Variants in ZAN observed in about 807,000 individuals in gnomAD.
The protein encoded by ZAN is zonadhesin (gene/pseudogene).
A neutral mutation model predicts 286.2 loss-of-function variants in ZAN; 260 were observed. The observed-to-expected ratio is 0.91, with a 90% CI of 0.82 to 1.01. The LOEUF (loss-of-function observed/expected upper bound fraction) is 1.01. ZAN is among the 50% of genes least tolerant of loss of function. The pLI is 0.00. For missense variants in ZAN, 3,410 were observed against 3,639.2 expected, an observed-to-expected ratio of 0.94 and a Z score of 1.62; for synonymous variants, 1,368 against 1,417.5, an observed-to-expected ratio of 0.97 and a Z score of 0.79.
chr7:100,750,694 G>A lies in ZAN; in HGVS notation c.1319G>A (p.Arg440Gln), dbSNP rs368207969. 122 of 1,613,088 alleles carry A rather than the reference G, an allele frequency of 7.6e-5. No individual in the cohort carries two copies. Among genetic ancestry groups the A allele is most frequent in the Non-Finnish European group, 9.6e-5 (113 of 1,179,634 alleles). Residue 440 changes from arginine to glutamine, a missense_variant, in exon 12 of 48, where the codon CGG (arginine) becomes CAG (glutamine). Coordinates refer to ENST00000613979, the MANE Select transcript of ZAN (RefSeq NM_003386.3). ...QAGQSVRLVSRPFCAPGDICV... is the reference protein window; with the variant it reads ...QAGQSVRLVSQPFCAPGDICV... The stretch of plus-strand genomic sequence containing the variant: ...GGCCAGTCAGTCAGACTGGTGAGCC[G>A]GCCCTTCTGCGCCCCAGGTGACATC...
rs1811998243 is a variant in ZAN at position 100,791,994 on chromosome 7, G to A, written c.7558G>A (p.Gly2520Arg). 1 of 1,613,182 alleles carries A rather than the reference G, an allele frequency of 6.2e-7. No individual in the cohort carries two copies. Among genetic ancestry groups the A allele is most frequent in the Non-Finnish European group, 8.5e-7 (1 of 1,179,726 alleles). Reference sequence around the variant, plus strand: ...TATACCAGCGGAGGAGGAGGGACAAGGGGCGGAGCTGGGCCTCCGCACGGG... The same window carrying A: ...TATACCAGCGGAGGAGGAGGGACAAAGGGCGGAGCTGGGCCTCCGCACGGG... Reference protein sequence around the residue: ...RAIPAEEEGQGAELGLRTGLQ... With the variant: ...RAIPAEEEGQRAELGLRTGLQ... The change falls in exon 41 of 48, where the codon GGG becomes AGG. Residue 2520 changes from glycine (G) to arginine (R), a missense_variant. Around this residue, in one of 7 missense-constraint regions of ZAN, gnomAD observed 1,289 missense variants for 1,314.3 expected, o/e 0.98. Transcript: ENST00000613979.
Position 100,736,605 on chromosome 7 carries a change from G to T in ZAN, c.229G>T (p.Ala77Ser), listed in dbSNP as rs1267702856. ...SGPSPTGSTG[A>S]PGGYPNGEGS... ...GCCCTCTCCCACCGGCTCCACCGGG[G>T]CCCCCGGGGGGTACCCTAACGGAGG... The change falls in exon 4 of 48, where the codon GCC becomes TCC. Residue 77 changes from alanine (A) to serine (S), a missense_variant. Physicochemically the swap from Ala to Ser is moderately conservative, Grantham distance 99 (BLOSUM62 1). This residue lies in a region of ZAN where 872 missense variants were observed against 938.9 expected (regional missense o/e 0.93). Transcript: ENST00000613979. 9.8e-6 allele frequency: 15 copies of T among 1,522,906 alleles called. 4 individuals carry two copies. Among genetic ancestry groups the T allele is most frequent in the Non-Finnish European group, 1.4e-5 (15 of 1,107,474 alleles). The allele number at this position is 1,522,906 out of a possible 1,614,324, so 94.3% of individuals were successfully genotyped here.
chr7:100,766,736 C>T (rs1240199174), intron 24 of ZAN, 70 bp downstream of exon 24: 3 of 1,503,548 alleles, frequency 2.0e-6, no homozygotes, highest in Non-Finnish European at 2.7e-6. Context: ...TGGGTCCTGC[C>T]CAAAGCAGCT....
rs372031781 is a variant in ZAN, at chr7:100,792,013, G to A, written c.7577G>A (p.Arg2526His). ...GGACAAGGGGCGGAGCTGGGCCTCC[G>A]CACGGGCCTCCAAGTGTCCGAATGT... ...EEGQGAELGLRTGLQVSECSP... is the reference protein window; with the variant it reads ...EEGQGAELGLHTGLQVSECSP... The change falls in exon 41 of 48, where the codon CGC (arginine) becomes CAC (histidine). Residue 2526 changes from arginine (R) to histidine (H), a missense_variant. Arg to His is a conservative substitution (Grantham distance 29). Transcript: ENST00000613979. 42 of 1,613,112 alleles carry A rather than the reference G, an allele frequency of 2.6e-5. No homozygotes were observed. The African/African-American group carries it at 3.9e-4, about 15-fold the overall frequency.
intron 39 of ZAN, among the ~76,000 whole-genome samples, 178 bp downstream of exon 39, chr7:100,789,525 C>A (rs948704466): frequency 5.2e-4 from 79 of 152,290 alleles, no homozygotes; most frequent in African/African-American, 1.9e-3. Context: ...AGGGCAGAGT[C>A]TTGGCTGGGT....
Position 100,794,153 on chromosome 7 carries a change from C to G in ZAN, c.8020C>G (p.Gln2674Glu). ...CAGCTTTCTGACTGAGGACTGCTCT[C>G]AGCGGTGCACCTGTGCCAGCTCACG... is the stretch of plus-strand genomic sequence containing the variant. ...GSSFLTEDCS[Q>E]RCTCASSRIL... Residue 2674 changes from glutamine (Q) to glutamate (E), a missense_variant, in exon 44 of 48, where the codon CAG becomes GAG. Gln to Glu is a conservative substitution (Grantham distance 29). This residue lies in a region of ZAN where 1,289 missense variants were observed against 1,314.3 expected (regional missense o/e 0.98). Transcript: ENST00000613979. The G allele has an allele frequency of 6.2e-7, 1 of 1,614,032 alleles. No homozygotes were observed. The highest frequency in any genetic ancestry group is 8.5e-7 in the Non-Finnish European group (1 of 1,179,896).
intron 27 of ZAN, among the ~76,000 whole-genome samples, chr7:100,769,150 G>A (rs1458808962): frequency 2.0e-5 from 3 of 152,128 alleles, no homozygotes; most frequent in African/African-American, 4.8e-5. Context: ...CTGGAGTGCA[G>A]TGGCACGATC....
chr7:100,740,061 T>A (rs1807628791), intron 7 of ZAN, among the ~76,000 whole-genome samples: 1 of 141,010 alleles, frequency 7.1e-6, no homozygotes, highest in Admixed American at 7.1e-5. Flanking sequence ...CATTCCAGGC[T>A]GAGGGGCCAG....
At chr7:100,776,318 AAGGGAGGG>A (rs3991185) in intron 33 of ZAN, 114 bp from the exon 34 acceptor site, 430,489 of 1,267,100 alleles carry the variant, frequency 0.34, 75,705 homozygotes, top group Non-Finnish European at 0.36. Context: ...AACTTGAAGG[AAGGGAGGG>A]AGGGAGGGAG....
chr7:100,767,323 C>T (rs1584595703), intron 25 of ZAN, 66 bp downstream of exon 25: 3 of 1,549,432 alleles, frequency 1.9e-6, no homozygotes, highest in Non-Finnish European at 2.6e-6. Flanking sequence ...TCCTGTGCCC[C>T]TCCTTGCCCG....
At chr7:100,760,271 G>A (rs1445688912) in intron 18 of ZAN, 120 bp from the exon 19 acceptor site, 1 of 1,343,686 alleles carries the variant, frequency 7.4e-7, no homozygotes, top group Non-Finnish European at 1.0e-6. Context: ...ACTCCTGGTG[G>A]ATGAGATTGT....
intron 39 of ZAN, among the ~76,000 whole-genome samples, chr7:100,790,513 G>C (rs1282806567): frequency 6.8e-6 from 1 of 146,832 alleles, no homozygotes; most frequent in South Asian, 2.1e-4. Flanking sequence ...AGTGAGCGGA[G>C]ATCACACCGC....
chr7:100,772,210 T>A (rs1235416004), intron 29 of ZAN, among the ~76,000 whole-genome samples, 190 bp downstream of exon 29: 2 of 142,476 alleles, frequency 1.4e-5, no homozygotes, highest in Non-Finnish European at 3.0e-5. Context: ...GATGGGTGAA[T>A]CACCTGAGGT....
At chr7:100,793,269 T>C (rs752997068) in intron 42 of ZAN, among the ~76,000 whole-genome samples, 2 of 147,984 alleles carry the variant, frequency 1.4e-5, no homozygotes, top group Non-Finnish European at 3.0e-5. Context: ...AACCCAGGAG[T>C]TGGAGGCTGC....
In ZAN at chr7:100,737,371, C is replaced by T. The variant is rs750324983; in HGVS notation, c.613+22C>T. The T allele has an allele frequency of 8.7e-6, 12 of 1,379,664 alleles. No homozygotes were observed. In the African/African-American group the frequency reaches 1.0e-4, roughly 12 times the overall value. The allele number at this position is 1,379,664 out of a possible 1,614,324, so 85.5% of individuals were successfully genotyped here. A position where few individuals can be genotyped will look rare whatever the true frequency, so the allele number is the denominator to read the frequency against. On this transcript the variant is annotated intron_variant, in intron 6 of 47. Coordinates refer to ENST00000613979, the MANE Select transcript of ZAN (RefSeq NM_003386.3). ...CGCGGTGAGTCCCTGTCCCTCCTCC[C>T]GCCTGCCCTCGGACCCTTTTCTCTC... is the stretch of plus-strand genomic sequence containing the variant.
At chr7:100,750,097 C>T (rs1008513705) in intron 11 of ZAN, among the ~76,000 whole-genome samples, 1 of 150,214 alleles carries the variant, frequency 6.7e-6, no homozygotes, top group African/African-American at 2.5e-5. Flanking sequence ...CACACACACA[C>T]ACGACATTAA....
In ZAN at chr7:100,748,431, G is replaced by C. The variant is rs771487065; in HGVS notation, c.1210G>C (p.Val404Leu). 4 of 1,613,742 alleles carry C rather than the reference G, an allele frequency of 2.5e-6. No homozygotes were observed. The South Asian group carries it at 4.4e-5, about 18-fold the overall frequency. The stretch of plus-strand genomic sequence containing the variant: ...GGCCCTCGGACATAAAAATGGACCC[G>C]TCCATGGCATGGGCCCTGCGGGAGG... ...HWALGHKNGP[V>L]HGMGPAGGFP... The change falls in exon 11 of 48, where the codon GTC (valine) becomes CTC (leucine). Residue 404 changes from valine (V) to leucine (L), a missense_variant. Physicochemically the swap from Val to Leu is conservative, Grantham distance 32 (BLOSUM62 1). Coordinates refer to ENST00000613979, the MANE Select transcript of ZAN (RefSeq NM_003386.3).
intron 19 of ZAN, among the ~76,000 whole-genome samples, chr7:100,761,751 A>G (rs1028295970): frequency 2.0e-5 from 3 of 151,978 alleles, no homozygotes; most frequent in Non-Finnish European, 4.4e-5. Context: ...AGCCTGGCCA[A>G]CATGGTGAAA....
chr7:100,781,024 T>G (rs2116230177), intron 35 of ZAN, among the ~76,000 whole-genome samples: 1 of 152,256 alleles, frequency 6.6e-6, no homozygotes, highest in East Asian at 1.9e-4. Context: ...TCTTATTATT[T>G]TTTTGCCAGT....
Sources: gnomAD v4.1 joint callset for allele counts (sites outside exome capture counted in the v4.1 genomes callset) on GRCh38, gnomAD v4.1.1 for gene constraint, gnomAD v4.1.1 regional missense constraint, MANE v1.5 for transcripts, NCBI Gene and HGNC (gene_info 2026-07-23, HGNC 2026-07-21) for gene names.